FBXL13: variants seen among roughly 807,000 people sequenced by gnomAD.
FBXL13 encodes F-box and leucine-rich repeat protein 13.
FBXL13 carries 67 observed loss-of-function variants against 83.6 expected under a neutral mutation model. The observed-to-expected ratio is 0.80, with a 90% CI of 0.66 to 0.98. The LOEUF (loss-of-function observed/expected upper bound fraction) is 0.98. Among genes scored for constraint, FBXL13 ranks in the 50% least tolerant of loss-of-function variants. The pLI is 0.00. For synonymous variants in FBXL13, 272 were observed against 299.5 expected (o/e 0.91, Z 0.95); for missense variants, 822 against 866.5 (o/e 0.95, Z 0.64).
intron 2 of FBXL13, among the ~76,000 whole-genome samples, chr7:103,047,706 T>G (rs1485027704): frequency 6.6e-6 from 1 of 152,248 alleles, no homozygotes; most frequent in African/African-American, 2.4e-5. Context: ...TTTTTTTGTT[T>G]GTTTTTGAGA....
At chr7:102,898,354 T>A (rs1392206836) in intron 11 of FBXL13, among the ~76,000 whole-genome samples, 1 of 152,194 alleles carries the variant, frequency 6.6e-6, no homozygotes, top group Non-Finnish European at 1.5e-5. Context: ...TTCTTCTCTC[T>A]TTTTGAGACA....
intron 11 of FBXL13, among the ~76,000 whole-genome samples, chr7:102,898,127 CCAAA>C (rs1416198112): frequency 2.0e-5 from 3 of 152,136 alleles, no homozygotes; most frequent in Admixed American, 6.6e-5. Context: ...TCAACTAAAG[CCAAA>C]CAAACACACC....
At chr7:102,879,377 T>A (rs1450695012) in intron 14 of FBXL13, among the ~76,000 whole-genome samples, 1 of 152,084 alleles carries the variant, frequency 6.6e-6, no homozygotes, top group African/African-American at 2.4e-5. Flanking sequence ...GATGCCTGTG[T>A]GCCCATCAAC....
chr7:102,817,329 A>T (rs1798149524), intron 19 of FBXL13, among the ~76,000 whole-genome samples: 1 of 151,972 alleles, frequency 6.6e-6, no homozygotes, highest in Admixed American at 6.6e-5. Flanking sequence ...CTTCATTGTG[A>T]TGGTAATTTT....
intron 1 of FBXL13, among the ~76,000 whole-genome samples, chr7:103,062,797 A>C (rs1798048490): frequency 6.6e-6 from 1 of 152,198 alleles, no homozygotes; most frequent in Non-Finnish European, 1.5e-5. Context: ...CTCATCCCAA[A>C]TGGATAAATG....
At position 102,854,801 on chromosome 7, in the gene FBXL13, A is replaced by G. The variant is rs202200569; in HGVS notation, c.1695T>C (p.Tyr565=). 8.2e-6 allele frequency: 13 copies of G among 1,590,232 alleles called. No homozygotes were observed. In the Admixed American group the frequency reaches 1.4e-4, roughly 17 times the overall value. The change falls in exon 17 of 20, where the codon TAT becomes TAC. Residue 565 remains tyrosine (Y), a synonymous_variant. Coordinates refer to ENST00000313221, the Ensembl canonical transcript of FBXL13. ...CCTGAATTCCATCATCAGTGATTCT[A>G]TAACATTCAGATACAGAAAGTTCCT...
At chr7:102,900,257 A>G (rs1397947281) in intron 11 of FBXL13, among the ~76,000 whole-genome samples, 1 of 152,094 alleles carries the variant, frequency 6.6e-6, no homozygotes, top group East Asian at 1.9e-4. Flanking sequence ...TCCATGACAT[A>G]TTTTGTTTAC....
chr7:102,818,997 A>G (rs1319716101), intron 19 of FBXL13, among the ~76,000 whole-genome samples: 1 of 151,782 alleles, frequency 6.6e-6, no homozygotes, highest in Non-Finnish European at 1.5e-5. Context: ...GTTCCCATCC[A>G]TCTGTCCATG....
chr7:103,034,234 G>A (rs996866733), intron 2 of FBXL13, among the ~76,000 whole-genome samples: 14 of 152,328 alleles, frequency 9.2e-5, no homozygotes, highest in East Asian at 7.7e-4. Context: ...GTCCTGTGCC[G>A]TGTGCCCACA....
chr7:102,826,994 A>C (rs1048317102), intron 18 of FBXL13: 2 of 355,084 alleles, frequency 5.6e-6, no homozygotes, highest in African/African-American at 4.1e-5. Context: ...TAGATTAAAA[A>C]TGGCCACAAA....
intron 2 of FBXL13, among the ~76,000 whole-genome samples, chr7:103,034,645 A>G (rs1969430): frequency 6.6e-6 from 1 of 152,188 alleles, no homozygotes; most frequent in East Asian, 1.9e-4. Flanking sequence ...CAGAAAGGGG[A>G]TCCCACAGTG....
chr7:102,901,531 C>T (rs1812959105), intron 11 of FBXL13, among the ~76,000 whole-genome samples: 1 of 152,104 alleles, frequency 6.6e-6, no homozygotes, highest in Admixed American at 6.6e-5. Context: ...ACCCATTAAC[C>T]ATTTCCACCT....
chr7:102,839,468 G>A (rs989988451), intron 17 of FBXL13, among the ~76,000 whole-genome samples: 3 of 152,130 alleles, frequency 2.0e-5, no homozygotes, highest in South Asian at 2.1e-4. Context: ...CCCACCTGAC[G>A]AGAAATACCC....
At chr7:102,931,587 G>A (rs1819185764) in intron 9 of FBXL13, among the ~76,000 whole-genome samples, 1 of 151,978 alleles carries the variant, frequency 6.6e-6, no homozygotes, top group African/African-American at 2.4e-5. Context: ...TGTCTACTGG[G>A]GCCCAATTTT....
intron 2 of FBXL13, among the ~76,000 whole-genome samples, chr7:103,035,844 C>T (rs1795012405): frequency 6.6e-6 from 1 of 152,114 alleles, no homozygotes; most frequent in African/African-American, 2.4e-5. Flanking sequence ...TAACATAATT[C>T]ACCATATTAT....
chr7:102,947,706 T>C (rs143997812), intron 8 of FBXL13, among the ~76,000 whole-genome samples: 1 of 152,274 alleles, frequency 6.6e-6, no homozygotes, highest in African/African-American at 2.4e-5. Flanking sequence ...ATCAGTATAT[T>C]TTACAGTAGT....
intron 10 of FBXL13, among the ~76,000 whole-genome samples, chr7:102,922,485 T>A (rs904796810): frequency 1.3e-5 from 2 of 152,192 alleles, no homozygotes; most frequent in Non-Finnish European, 2.9e-5. Flanking sequence ...TAAATGTATG[T>A]GCATTTACTA....
At chr7:102,868,396 T>A (rs1272995753) in intron 16 of FBXL13, among the ~76,000 whole-genome samples, 1 of 152,128 alleles carries the variant, frequency 6.6e-6, no homozygotes, top group Non-Finnish European at 1.5e-5. Context: ...CGCATATGAG[T>A]GAGATCATGA....
intron 10 of FBXL13, among the ~76,000 whole-genome samples, chr7:102,918,853 T>C (rs1816427287): frequency 6.6e-6 from 1 of 152,232 alleles, no homozygotes; most frequent in Admixed American, 6.5e-5. Context: ...TATAATACTC[T>C]TTTTCTATGT....
Sources: allele counts gnomAD v4.1 joint callset (sites outside exome capture counted in the v4.1 genomes callset), GRCh38; gene constraint gnomAD v4.1.1; transcripts MANE v1.5; gene names NCBI Gene and HGNC (gene_info 2026-07-23, HGNC 2026-07-21).